Variants in DSE observed in about 807,000 individuals in gnomAD.
DSE encodes dermatan-sulfate epimerase.
A neutral mutation model predicts 84.4 loss-of-function variants in DSE; 36 were observed. The observed-to-expected ratio is 0.43, with a 90% CI of 0.33 to 0.56. DSE has a LOEUF of 0.56. Ranked by LOEUF, DSE falls within the 20% of genes least tolerant of loss-of-function variation. The pLI is 0.06. For missense variants in DSE, 862 were observed against 1,169.6 expected (o/e 0.74, Z 3.84); for synonymous variants, 410 against 430.1 (o/e 0.95, Z 0.58).
intron 2 of DSE, among the ~76,000 whole-genome samples, chr6:116,310,201 T>G (rs770739644): frequency 1.7e-4 from 26 of 152,220 alleles, no homozygotes; most frequent in Non-Finnish European, 3.5e-4. Flanking sequence ...CTTTATTTGT[T>G]CCCCCTATTT....
intron 2 of DSE, among the ~76,000 whole-genome samples, chr6:116,271,682 TA>T (rs1772882995): frequency 6.6e-6 from 1 of 152,182 alleles, no homozygotes; most frequent in Non-Finnish European, 1.5e-5. Flanking sequence ...GAATTATAAA[TA>T]AAATCATGCA....
intron 2 of DSE, among the ~76,000 whole-genome samples, chr6:116,359,058 C>A (rs1778741437): frequency 6.6e-6 from 1 of 152,064 alleles, no homozygotes; most frequent in Admixed American, 6.5e-5. Flanking sequence ...TGATCAAATT[C>A]TCTTTCTTTT....
chr6:116,370,036 G>A (rs962510728), upstream of DSE: 4 of 1,059,936 alleles, frequency 3.8e-6, no homozygotes, highest in South Asian at 2.7e-5. Flanking sequence ...TGATGGCCCT[G>A]ATCCTACCTC....
intron 2 of DSE, among the ~76,000 whole-genome samples, chr6:116,405,345 G>T (rs992408156): frequency 1.3e-5 from 2 of 152,250 alleles, no homozygotes; most frequent in East Asian, 3.9e-4. Context: ...AAAAGATCAG[G>T]TTTTCTTCTC....
chr6:116,373,731 C>T (rs1481335855), intron 1 of DSE, among the ~76,000 whole-genome samples: 2 of 152,104 alleles, frequency 1.3e-5, no homozygotes, highest in Non-Finnish European at 2.9e-5. Flanking sequence ...CCCAGTGCCT[C>T]GTTATAGTCT....
chr6:116,379,550 G>C (rs1002310553), intron 1 of DSE, among the ~76,000 whole-genome samples: 10 of 152,046 alleles, frequency 6.6e-5, no homozygotes, highest in African/African-American at 2.4e-4. Context: ...AGCAAAACAG[G>C]AATTGATCTG....
chr6:116,278,402 GA>G, intron 2 of DSE: 2 of 1,420,556 alleles, frequency 1.4e-6, no homozygotes, highest in Non-Finnish European at 2.0e-6. Flanking sequence ...ACAGGGTGCA[GA>G]AAAGTCAGCA....
chr6:116,344,087 AAG>A (rs1262299365), intron 2 of DSE, among the ~76,000 whole-genome samples: 1 of 152,220 alleles, frequency 6.6e-6, no homozygotes, highest in Non-Finnish European at 1.5e-5. Context: ...TTAGAGAAAA[AAG>A]AGTAAAAAGA....
intron 1 of DSE, among the ~76,000 whole-genome samples, chr6:116,390,998 T>C (rs1165471507): frequency 1.3e-5 from 2 of 152,258 alleles, no homozygotes; most frequent in Non-Finnish European, 2.9e-5. Context: ...AGATAGCCAC[T>C]ACATTTCTCA....
chr6:116,290,795 G>C (rs1026625113), intron 2 of DSE, among the ~76,000 whole-genome samples: 1 of 152,140 alleles, frequency 6.6e-6, no homozygotes, highest in African/African-American at 2.4e-5. Flanking sequence ...TCCAAAAGCA[G>C]AAAGGAATCC....
intron 2 of DSE, among the ~76,000 whole-genome samples, chr6:116,425,111 A>G (rs955539864): frequency 6.6e-6 from 1 of 152,158 alleles, no homozygotes; most frequent in Admixed American, 6.5e-5. Context: ...ACCACTTACA[A>G]ATTATAGTAG....
chr6:116,279,176 C>T (rs760151234), intron 2 of DSE: 6 of 1,612,918 alleles, frequency 3.7e-6, no homozygotes, highest in Non-Finnish European at 5.1e-6. Context: ...GGCCAGGGCC[C>T]TTCTTCCTCC....
intron 2 of DSE, among the ~76,000 whole-genome samples, chr6:116,315,329 G>GATATATATATAT (rs67864536): frequency 2.7e-5 from 4 of 147,596 alleles, no homozygotes; most frequent in Non-Finnish European, 4.5e-5. Context: ...CACCTTCTGA[G>GATATATATATAT]ATATATATAT....
At chr6:116,331,828 G>A (rs1205423069) in intron 2 of DSE, among the ~76,000 whole-genome samples, 6 of 152,220 alleles carry the variant, frequency 3.9e-5, no homozygotes, top group African/African-American at 7.2e-5. Context: ...ATGGTGGCAC[G>A]CACCTGTAGT....
intron 2 of DSE, among the ~76,000 whole-genome samples, chr6:116,345,234 C>G (rs1056450866): frequency 1.1e-4 from 16 of 152,124 alleles, no homozygotes; most frequent in Non-Finnish European, 1.2e-4. Flanking sequence ...ACAAGGATAT[C>G]CAGGAATTGA....
intron 2 of DSE, among the ~76,000 whole-genome samples, chr6:116,348,802 A>G (rs1184501255): frequency 6.6e-6 from 1 of 152,240 alleles, no homozygotes; most frequent in African/African-American, 2.4e-5. Flanking sequence ...GCCATAAAAA[A>G]GGATGAGTTC....
At chr6:116,295,310 T>G (rs1774591993) in intron 2 of DSE, among the ~76,000 whole-genome samples, 1 of 152,116 alleles carries the variant, frequency 6.6e-6, no homozygotes, top group Non-Finnish European at 1.5e-5. Context: ...AAGGCTTGAA[T>G]GTGGCTTGGC....
At chr6:116,401,105 A>G (rs1315359377) in intron 2 of DSE, 1 of 152,120 alleles carries the variant, frequency 6.6e-6, no homozygotes, top group African/African-American at 2.4e-5. Context: ...GTGAAATACC[A>G]TTTTTGATGG....
Position 116,279,078 on chromosome 6 carries a change from T to C in DSE, c.-54+20111T>C, listed in dbSNP as rs372039520. On this transcript the variant is annotated intron_variant, in intron 2 of 3. Coordinates refer to the DSE transcript ENST00000430252. Reference sequence around the variant, plus strand: ...TCCGCCCAAACTTGTGCTCCAGCTGTTGGAAGGCCCTGTCGGCCTGAGCAT... The same window carrying C: ...TCCGCCCAAACTTGTGCTCCAGCTGCTGGAAGGCCCTGTCGGCCTGAGCAT... The C allele has an allele frequency of 4.9e-5, 79 of 1,613,358 alleles. No homozygotes were observed. The African/African-American group carries it at 9.6e-4, about 20-fold the overall frequency.
Sources: gnomAD v4.1 joint callset for allele counts (sites outside exome capture counted in the v4.1 genomes callset) on GRCh38, gnomAD v4.1.1 for gene constraint, MANE v1.5 for transcripts, NCBI Gene and HGNC (gene_info 2026-07-23, HGNC 2026-07-21) for gene names.